The following ITPR2 variants were observed in gnomAD, a reference collection of about 807,000 sequenced individuals.
ITPR2 encodes the protein inositol 1,4,5-trisphosphate receptor type 2, also known as inositol 1,4,5-trisphosphate-gated calcium channel ITPR2.
A neutral mutation model predicts 317.1 loss-of-function variants in ITPR2; 207 were observed. The observed-to-expected ratio is 0.65, with a 90% CI of 0.58 to 0.73. The LOEUF (loss-of-function observed/expected upper bound fraction) is 0.73. Ranked by LOEUF, ITPR2 falls within the 30% of genes least tolerant of loss-of-function variation. The pLI is 0.00. For missense variants in ITPR2, 2,613 were observed against 3,284.0 expected, an observed-to-expected ratio of 0.80 and a Z score of 4.99; for synonymous variants, 1,156 against 1,149.1, an observed-to-expected ratio of 1.01 and a Z score of -0.12.
chr12:26,391,674 C>T (rs189061477), intron 54 of ITPR2, among the ~76,000 whole-genome samples: 21 of 147,954 alleles, frequency 1.4e-4, no homozygotes, highest in Non-Finnish European at 3.0e-4. Context: ...AAGCGATTCT[C>T]CTGCCTCAGC....
intron 2 of ITPR2, among the ~76,000 whole-genome samples, chr12:26,781,997 T>C (rs1308380913): frequency 4.2e-4 from 4 of 9,534 alleles, no homozygotes; most frequent in Admixed American, 3.3e-3. Context: ...CCCCTGTATA[T>C]ATATATATAT....
chr12:26,741,225 G>A (rs376605134), intron 2 of ITPR2, among the ~76,000 whole-genome samples: 3 of 152,250 alleles, frequency 2.0e-5, no homozygotes, highest in East Asian at 1.9e-4. Flanking sequence ...CAGAGGTGGC[G>A]CCTTCCAGGC....
At chr12:26,566,470 A>AGGAGGAGGG (rs1217887312) in intron 34 of ITPR2, among the ~76,000 whole-genome samples, 2 of 120,660 alleles carry the variant, frequency 1.7e-5, no homozygotes, top group Non-Finnish European at 3.4e-5. Context: ...AGAGGAGAGG[A>AGGAGGAGGG]GGAGGAGGGA....
intron 46 of ITPR2, among the ~76,000 whole-genome samples, 158 bp downstream of exon 46, chr12:26,443,385 A>G (rs1941533507): frequency 6.6e-6 from 1 of 152,164 alleles, no homozygotes; most frequent in Admixed American, 6.6e-5. Context: ...TCAGTTTCCT[A>G]TAAATCACTC....
intron 39 of ITPR2, among the ~76,000 whole-genome samples, chr12:26,490,673 C>T (rs1427480565): frequency 6.6e-6 from 1 of 152,168 alleles, no homozygotes; most frequent in Non-Finnish European, 1.5e-5. Flanking sequence ...ATTAGTCAGG[C>T]ATGGTAGTGG....
intron 28 of ITPR2, 54 bp downstream of exon 28, chr12:26,602,316 T>C: frequency 6.4e-7 from 1 of 1,556,104 alleles, no homozygotes; most frequent in South Asian, 1.2e-5. Context: ...TTGCAAAACA[T>C]TTGAAATTGT....
chr12:26,342,496 G>GAGGC (rs1938156115), intron 55 of ITPR2, among the ~76,000 whole-genome samples: 9 of 9,334 alleles, frequency 9.6e-4, no homozygotes, highest in African/African-American at 2.0e-3. Context: ...GGTCACGGCG[G>GAGGC]TGGGGGGGGG....
intron 2 of ITPR2, among the ~76,000 whole-genome samples, chr12:26,755,583 T>G (rs1949506645): frequency 6.6e-6 from 1 of 152,238 alleles, no homozygotes; most frequent in East Asian, 1.9e-4. Flanking sequence ...GGAGCATATT[T>G]GTTTCTCTCT....
In ITPR2 at chr12:26,342,905, G is replaced by A. The variant is rs114211818; in HGVS notation, c.7858-2577C>T. On this transcript the variant is annotated intron_variant, in intron 55 of 56. Transcript: ENST00000381340. Reference sequence around the variant, plus strand: ...ATTACAGGCGTGAGCCACCACGTCCGGTGAGTTCTCACTCTTAGGAGCCTG... The same window carrying A: ...ATTACAGGCGTGAGCCACCACGTCCAGTGAGTTCTCACTCTTAGGAGCCTG... Among the ~76,000 whole-genome samples, 340 of 151,978 alleles carry A rather than the reference G, an allele frequency of 2.2e-3. 2 individuals are homozygous for A. The highest frequency in any genetic ancestry group is 7.9e-3 in the African/African-American group (327 of 41,482).
chr12:26,383,036 G>A (rs1432563810), intron 55 of ITPR2, among the ~76,000 whole-genome samples: 1 of 152,148 alleles, frequency 6.6e-6, no homozygotes, highest in Non-Finnish European at 1.5e-5. Context: ...TGGGTCATGG[G>A]GGCAGATCTT....
intron 45 of ITPR2, among the ~76,000 whole-genome samples, chr12:26,451,478 T>C (rs1340557465): frequency 6.6e-6 from 1 of 151,624 alleles, no homozygotes; most frequent in African/African-American, 2.4e-5. Flanking sequence ...GCCACCAGCA[T>C]CACTCTGCAC....
At chr12:26,670,087 G>T (rs902070348) in intron 13 of ITPR2, among the ~76,000 whole-genome samples, 1 of 152,240 alleles carries the variant, frequency 6.6e-6, no homozygotes, top group African/African-American at 2.4e-5. Flanking sequence ...AAGGAGGCCT[G>T]CCTGCCTCTG....
rs145268827 is a variant in ITPR2 at position 26,711,732 on chromosome 12, C to T, written c.856-464G>A. 1.2e-4 allele frequency among the ~76,000 whole-genome samples: 19 copies of T among 152,250 alleles called. No homozygotes were observed. The East Asian group carries it at 3.5e-3, about 28-fold the overall frequency. The stretch of plus-strand genomic sequence containing the variant: ...AGTAAGATTTGACAAGTGCCAGAAA[C>T]AACACAGGGGAAGTACATGATTGAG... On this transcript the variant is annotated intron_variant, in intron 8 of 56. Transcript: ENST00000381340.
intron 21 of ITPR2, among the ~76,000 whole-genome samples, chr12:26,638,413 C>T (rs1412104187): frequency 2.6e-5 from 4 of 152,184 alleles, no homozygotes; most frequent in Non-Finnish European, 5.9e-5. Context: ...AAACCAGTTA[C>T]TGAAAATTTC....
intron 1 of ITPR2, among the ~76,000 whole-genome samples, chr12:26,811,890 G>C (rs539845398): frequency 6.9e-6 from 1 of 144,794 alleles, no homozygotes; most frequent in African/African-American, 2.6e-5. Context: ...AGGGCCGGGC[G>C]TGGTGGCTCA....
At chr12:26,348,929 G>A (rs1938391947) in intron 55 of ITPR2, among the ~76,000 whole-genome samples, 1 of 152,132 alleles carries the variant, frequency 6.6e-6, no homozygotes, top group Non-Finnish European at 1.5e-5. Flanking sequence ...TTAACTGGGT[G>A]TGGTGGTGTA....
chr12:26,640,523 T>C (rs1005568954), intron 21 of ITPR2, among the ~76,000 whole-genome samples: 2 of 152,246 alleles, frequency 1.3e-5, no homozygotes, highest in East Asian at 1.9e-4. Flanking sequence ...TATAGTAATA[T>C]ATTAGACATG....
chr12:26,379,613 G>A (rs2136614412), intron 55 of ITPR2, among the ~76,000 whole-genome samples: 1 of 152,216 alleles, frequency 6.6e-6, no homozygotes, highest in Middle Eastern at 3.4e-3. Context: ...TACCCCTGCA[G>A]ATTTATCTGC....
intron 14 of ITPR2, among the ~76,000 whole-genome samples, chr12:26,664,851 G>GA (rs1438397650): frequency 6.6e-6 from 1 of 151,926 alleles, no homozygotes; most frequent in East Asian, 1.9e-4. Context: ...TTTTATTTGA[G>GA]AAAAAAGTTG....
Sources: allele counts gnomAD v4.1 joint callset (sites outside exome capture counted in the v4.1 genomes callset), GRCh38; gene constraint gnomAD v4.1.1; transcripts MANE v1.5; gene names NCBI Gene and HGNC (gene_info 2026-07-23, HGNC 2026-07-21).